The following CNOT10 variants were observed in gnomAD, a reference collection of about 807,000 sequenced individuals.
The protein encoded by CNOT10 is CCR4-NOT transcription complex, subunit 10.
In CNOT10, 30 loss-of-function variants were observed where a neutral mutation model predicts 94.6. The ratio of observed to expected loss-of-function variants is 0.32; its 90% CI spans 0.24 to 0.43. CNOT10 has a LOEUF of 0.43. CNOT10 is among the 20% of genes least tolerant of loss of function. The pLI, the probability that CNOT10 is intolerant of heterozygous loss-of-function variation, is 1.00. For missense variants in CNOT10, 759 were observed against 877.2 expected (o/e 0.87, Z 1.70); for synonymous variants, 289 against 301.6 (o/e 0.96, Z 0.43).
At chr3:32,754,678 C>T (rs917739902) in intron 13 of CNOT10, among the ~76,000 whole-genome samples, 6 of 148,008 alleles carry the variant, frequency 4.1e-5, no homozygotes, top group South Asian at 2.2e-4. Flanking sequence ...TGCGCTACCA[C>T]GCCCAGCTAA....
chr3:32,737,275 A>G (rs995802430), intron 12 of CNOT10, 135 bp from the exon 13 acceptor site: 15 of 578,072 alleles, frequency 2.6e-5, no homozygotes, highest in African/African-American at 7.6e-5. Flanking sequence ...AGATCGTGCA[A>G]TTGCACTCCA....
chr3:32,707,347 A>G (rs1329561978), intron 3 of CNOT10, among the ~76,000 whole-genome samples: 3 of 151,788 alleles, frequency 2.0e-5, no homozygotes, highest in Non-Finnish European at 4.4e-5. Flanking sequence ...TTTTCTAACC[A>G]TCATGTGTGC....
chr3:32,735,324 G>A (rs112259449), intron 12 of CNOT10, among the ~76,000 whole-genome samples: 3,313 of 137,958 alleles, frequency 0.024, 56 homozygotes, highest in East Asian at 0.053. Flanking sequence ...CAGCTTTGGC[G>A]ACAGAGTGAG....
At chr3:32,756,124 G>A (rs1167335411) in intron 13 of CNOT10, among the ~76,000 whole-genome samples, 6 of 152,256 alleles carry the variant, frequency 3.9e-5, no homozygotes, top group African/African-American at 1.4e-4. Context: ...AGGAAAAGGA[G>A]GATGAGTGTG....
At position 32,716,417 on chromosome 3, in the gene CNOT10, G is replaced by T. The variant is rs1698123250; in HGVS notation, c.660+106G>T. 11 of 551,778 alleles carry T rather than the reference G, an allele frequency of 2.0e-5. No individual in the cohort carries two copies. In the Admixed American group the frequency reaches 3.9e-4, roughly 20 times the overall value. The allele number at this position is 551,778 out of a possible 1,614,324, so 34.2% of individuals were successfully genotyped here. A position where few individuals can be genotyped will look rare whatever the true frequency, so the allele number is the denominator to read the frequency against. On this transcript the variant is annotated intron_variant, in intron 6 of 18. Coordinates refer to ENST00000328834, the MANE Select transcript of CNOT10 (RefSeq NM_015442.3). ...TTGGAAGCAGTCAATAATTCAAGGT[G>T]CATATATTTGTTTGTCTTTTGAAGT...
At chr3:32,768,339 T>C (rs1700738771) in intron 17 of CNOT10, among the ~76,000 whole-genome samples, 2 of 151,498 alleles carry the variant, frequency 1.3e-5, no homozygotes, top group East Asian at 1.9e-4. Flanking sequence ...CCCAGCACTT[T>C]GGGAGGCCAA....
chr3:32,763,152 T>C (rs934336766), intron 15 of CNOT10, among the ~76,000 whole-genome samples: 2 of 152,080 alleles, frequency 1.3e-5, no homozygotes, highest in Admixed American at 6.6e-5. Flanking sequence ...CTAAAATCCA[T>C]AGGGGAGTAA....
intron 4 of CNOT10, among the ~76,000 whole-genome samples, chr3:32,710,382 C>G (rs901621447): frequency 1.3e-5 from 2 of 151,048 alleles, no homozygotes; most frequent in Admixed American, 6.6e-5. Context: ...ACAGAGATTT[C>G]CTGTGTGTCC....
At chr3:32,730,483 A>C (rs1436052592) in intron 10 of CNOT10, among the ~76,000 whole-genome samples, 1 of 152,186 alleles carries the variant, frequency 6.6e-6, no homozygotes, top group African/African-American at 2.4e-5. Flanking sequence ...TGTGCTGCTA[A>C]TAGGAAACTT....
At position 32,685,501 on chromosome 3, in the gene CNOT10, G is replaced by C. The variant is rs1408633154; in HGVS notation, c.22+19G>C. 2.6e-6 allele frequency: 4 copies of C among 1,550,010 alleles called. No homozygotes were observed. The highest frequency in any genetic ancestry group is 3.5e-6 in the Non-Finnish European group (4 of 1,146,632). On this transcript the variant is annotated intron_variant, in intron 1 of 18. Coordinates refer to ENST00000328834, the MANE Select transcript of CNOT10 (RefSeq NM_015442.3). ...CCTGCAGGTAGGGCGCCAATGTCCC[G>C]AGCGACGAGACGGCGGGACGTGCGG...
chr3:32,737,624 AC>A, intron 13 of CNOT10, 134 bp downstream of exon 13: 1 of 533,256 alleles, frequency 1.9e-6, no homozygotes, highest in Non-Finnish European at 3.4e-6. Context: ...GGAGTTCGAG[AC>A]CAGCCTGGCC....
intron 17 of CNOT10, 56 bp downstream of exon 17, chr3:32,764,865 G>T: frequency 1.3e-6 from 2 of 1,590,434 alleles, no homozygotes; most frequent in Non-Finnish European, 8.6e-7. Context: ...CAAGTTTGAG[G>T]TTTATATTTT....
intron 1 of CNOT10, among the ~76,000 whole-genome samples, chr3:32,698,884 C>A (rs1189082712): frequency 6.6e-6 from 1 of 152,162 alleles, no homozygotes; most frequent in African/African-American, 2.4e-5. Flanking sequence ...CTCCTGTGTT[C>A]AAGCAATCCT....
intron 10 of CNOT10, 108 bp downstream of exon 10, chr3:32,727,978 T>TA: frequency 1.4e-6 from 1 of 698,272 alleles, no homozygotes; most frequent in Non-Finnish European, 2.2e-6. Context: ...GACATTTCTC[T>TA]TTTTATTTAT....
At chr3:32,759,153 GTA>G (rs139200526) in intron 13 of CNOT10, among the ~76,000 whole-genome samples, 1 of 137,902 alleles carries the variant, frequency 7.3e-6, no homozygotes, top group Non-Finnish European at 1.6e-5. Context: ...GTGTGTGTGT[GTA>G]TTTATCTATA....
chr3:32,703,205 T>C (rs1433093822), intron 1 of CNOT10, among the ~76,000 whole-genome samples: 1 of 151,622 alleles, frequency 6.6e-6, no homozygotes, highest in Non-Finnish European at 1.5e-5. Context: ...ATTACAGGCG[T>C]GAGCCACCGT....
At chr3:32,768,346 C>G (rs886846034) in intron 17 of CNOT10, among the ~76,000 whole-genome samples, 3 of 152,088 alleles carry the variant, frequency 2.0e-5, no homozygotes, top group South Asian at 2.1e-4. Context: ...CTTTGGGAGG[C>G]CAAGGCGGGT....
chr3:32,744,620 T>C (rs1006153921), intron 13 of CNOT10, among the ~76,000 whole-genome samples: 2 of 152,156 alleles, frequency 1.3e-5, no homozygotes, highest in African/African-American at 4.8e-5. Context: ...CAATTGAAAT[T>C]AAAATGTGGC....
chr3:32,715,353 C>G (rs1254448224), intron 5 of CNOT10, among the ~76,000 whole-genome samples: 3 of 152,134 alleles, frequency 2.0e-5, no homozygotes, highest in African/African-American at 7.2e-5. Context: ...GGATAACCAG[C>G]CTGGCAGAGA....
Sources: gnomAD v4.1 joint callset for allele counts (sites outside exome capture counted in the v4.1 genomes callset) on GRCh38, gnomAD v4.1.1 for gene constraint, MANE v1.5 for transcripts, NCBI Gene and HGNC (gene_info 2026-07-23, HGNC 2026-07-21) for gene names.